ZNF543: variants seen among roughly 807,000 people sequenced by gnomAD.
ZNF543 encodes the protein zinc finger protein 543.
ZNF543 carries 10 observed loss-of-function variants against 13.4 expected under a neutral mutation model. The observed-to-expected ratio is 0.75, with a 90% CI of 0.46 to 1.26. The LOEUF is 1.26. Ranked by LOEUF, ZNF543 falls within the 50% of genes most tolerant of loss-of-function variation. ZNF543 has a pLI of 0.00. For missense variants in ZNF543, 768 were observed against 741.2 expected (o/e 1.04, Z -0.42); for synonymous variants, 272 against 264.7 (o/e 1.03, Z -0.27).
intron 1 of ZNF543, 32 bp downstream of exon 1, chr19:57,320,903 C>T (rs375224971): frequency 1.4e-5 from 22 of 1,613,802 alleles, no homozygotes; most frequent in Non-Finnish European, 1.7e-5. Context: ...CTTGCTGCTG[C>T]TCTGCTACTT....
Position 57,328,296 on chromosome 19 carries a change from T to A in ZNF543, c.834T>A (p.Ser278Arg). 1 of 1,613,152 alleles carries A rather than the reference T, an allele frequency of 6.2e-7. No individual in the cohort carries two copies. The highest frequency in any genetic ancestry group is 2.2e-5 in the East Asian group (1 of 44,794). Residue 278 changes from serine to arginine, a missense_variant, in exon 4 of 4, where the codon AGT (serine) becomes AGA (arginine). By Grantham distance (110) the Ser-to-Arg change is moderately radical. Coordinates refer to ENST00000321545, the MANE Select transcript of ZNF543 (RefSeq NM_213598.4). The stretch of plus-strand genomic sequence containing the variant: ...TCACACGGCACCAGCGGATTCACAG[T>A]GGAGAGAAGCCTTATAAGTGCAGTG... ...SHLTRHQRIHSGEKPYKCSEC... is the reference protein window; with the variant it reads ...SHLTRHQRIHRGEKPYKCSEC...
rs1223083493 is a variant in ZNF543 at position 57,328,098 on chromosome 19, C to T, written c.636C>T (p.Ala212=). ...GCGGGAAAGTGTTTAAAAAGAATGC[C>T]CTCCTTGTTCAGCATGAACGGATTC... ...EECGKVFKKN[A]LLVQHERIHT... is the part of the protein sequence containing the mutation. Residue 212 remains alanine, a synonymous_variant, in exon 4 of 4, where the codon GCC becomes GCT. Transcript: ENST00000321545. 1 of 1,614,216 alleles carries T rather than the reference C, an allele frequency of 6.2e-7. No homozygotes were observed. The highest frequency in any genetic ancestry group is 1.7e-5 in the Admixed American group (1 of 60,022).
At position 57,327,782 on chromosome 19, in the gene ZNF543, A is replaced by C. The variant is rs8100491; in HGVS notation, c.320A>C (p.Gln107Pro). 2 of 1,613,856 alleles carry C rather than the reference A, an allele frequency of 1.2e-6. No individual in the cohort carries two copies. Among genetic ancestry groups the C allele is most frequent in the South Asian group, 2.2e-5 (2 of 91,074 alleles). ...CCTGAGGAAGTCTTACTCCAGGAAC[A>C]ACTGACACAAGGAGCCTCAAAGAAC... ...ALPEEVLLQE[Q>P]LTQGASKNSQ... The change falls in exon 4 of 4, where the codon CAA (glutamine) becomes CCA (proline). Residue 107 changes from glutamine to proline, a missense_variant. By Grantham distance (76) the Gln-to-Pro change is moderately conservative. Transcript: ENST00000321545.
At position 57,320,871 on chromosome 19, in the gene ZNF543, G is replaced by A. The variant is rs764488226; in HGVS notation, c.18G>A (p.Gln6=). 9 of 1,614,098 alleles carry A rather than the reference G, an allele frequency of 5.6e-6. No homozygotes were observed. The highest frequency in any genetic ancestry group is 4.2e-6 in the Non-Finnish European group (5 of 1,179,986). The part of the protein sequence containing the change: MAASA[Q]VSVTFEDVAV... ...GTCTCAGGATGGCAGCCTCGGCGCA[G>A]GTGAGTGGACGAGGTTTTGGCCTTG... is the stretch of plus-strand genomic sequence containing the variant. Residue 6 remains glutamine, a splice_region_variant and synonymous_variant, in exon 1 of 4, where the codon CAG becomes CAA. Transcript: ENST00000321545.
At position 57,320,841 on chromosome 19, in the gene ZNF543, G is replaced by A; in HGVS notation, c.-13G>A. 1 of 1,613,816 alleles carries A rather than the reference G, an allele frequency of 6.2e-7. No homozygotes were observed. The highest frequency in any genetic ancestry group is 8.5e-7 in the Non-Finnish European group (1 of 1,179,912). On this transcript the variant is annotated 5_prime_UTR_variant, in exon 1 of 4. Transcript: ENST00000321545. ...GGCATTCCCGGGCCCCGCTAGGGCT[G>A]CAGGGTCTCAGGATGGCAGCCTCGG...
At position 57,328,223 on chromosome 19, in the gene ZNF543, C is replaced by A. The variant is rs752634318; in HGVS notation, c.761C>A (p.Pro254His). The change falls in exon 4 of 4, where the codon CCC (proline) becomes CAC (histidine). Residue 254 changes from proline (P) to histidine (H), a missense_variant. This residue lies in a region of ZNF543 where 677 missense variants were observed against 631.4 expected (regional missense o/e 1.07). Transcript: ENST00000321545. ...QHLIIHTGEK[P>H]YKCMECGKAF... ...CTCATCATCCACACTGGGGAGAAGC[C>A]CTATAAGTGCATGGAGTGTGGGAAG... 1 of 1,613,426 alleles carries A rather than the reference C, an allele frequency of 6.2e-7. No individual in the cohort carries two copies. Among genetic ancestry groups the A allele is most frequent in the South Asian group, 1.1e-5 (1 of 91,024 alleles).
rs888352815 is a variant in ZNF543 at position 57,330,575 on chromosome 19, G to A, written c.*1310G>A. 7 of 152,062 alleles carry A rather than the reference G, an allele frequency of 4.6e-5. No individual in the cohort carries two copies. Among genetic ancestry groups the A allele is most frequent in the Admixed American group, 1.3e-4 (2 of 15,274 alleles). 9.4% of individuals were successfully genotyped at this position (152,062 alleles called of 1,614,324 possible). A position where few individuals can be genotyped will look rare whatever the true frequency, so the allele number is the denominator to read the frequency against. On this transcript the variant is annotated 3_prime_UTR_variant, in exon 4 of 4. Transcript: ENST00000321545. ...TAACTGGAATTTTAACAGGCAAGCC[G>A]GCATGCATATATGTAGGGATGTGTG...
Position 57,320,805 on chromosome 19 carries a change from G to C in ZNF543, c.-49G>C, listed in dbSNP as rs200916590. ...CCAGGACAGAGAAGGGCTGGGGGTC[G>C]GCTGAGCCGCGGCATTCCCGGGCCC... On this transcript the variant is annotated 5_prime_UTR_variant, in exon 1 of 4. Transcript: ENST00000321545. The C allele has an allele frequency of 1.9e-6, 3 of 1,612,082 alleles. No homozygotes were observed. The highest frequency in any genetic ancestry group is 1.7e-5 in the Admixed American group (1 of 59,878).
Position 57,329,209 on chromosome 19 carries a change from G to A in ZNF543, c.1747G>A (p.Glu583Lys). The change falls in exon 4 of 4, where the codon GAA becomes AAA. Residue 583 changes from glutamate to lysine, a missense_variant. Coordinates refer to ENST00000321545, the MANE Select transcript of ZNF543 (RefSeq NM_213598.4). ...MTAQTSVNIQ[E>K]LLLGKEFLNI... ...TGCACAGACTTCAGTCAACATCCAG[G>A]AACTTTTATTAGGGAAAGAGTTTTT... The A allele has an allele frequency of 1.2e-6, 2 of 1,613,276 alleles. No homozygotes were observed. Among genetic ancestry groups the A allele is most frequent in the South Asian group, 1.1e-5 (1 of 90,944 alleles).
At chr19:57,323,933 C>T in intron 2 of ZNF543, 125 bp downstream of exon 2, 1 of 1,207,814 alleles carries the variant, frequency 8.3e-7, no homozygotes, top group Non-Finnish European at 1.1e-6. Flanking sequence ...ACCATTGGCT[C>T]TGAGCGTAGC....
Position 57,328,221 on chromosome 19 carries a change from G to T in ZNF543, c.759G>T (p.Lys253Asn). ...LQHLIIHTGE[K>N]PYKCMECGKA... ...ACCTCATCATCCACACTGGGGAGAA[G>T]CCCTATAAGTGCATGGAGTGTGGGA... Residue 253 changes from lysine (K) to asparagine (N), a missense_variant, in exon 4 of 4, where the codon AAG becomes AAT. Lys to Asn is a moderately conservative substitution (Grantham distance 94). Coordinates refer to ENST00000321545, the MANE Select transcript of ZNF543 (RefSeq NM_213598.4). 1 of 1,613,412 alleles carries T rather than the reference G, an allele frequency of 6.2e-7. No homozygotes were observed. Among genetic ancestry groups the T allele is most frequent in the Non-Finnish European group, 8.5e-7 (1 of 1,179,454 alleles).
chr19:57,321,024 C>T (rs990973584), intron 1 of ZNF543, among the ~76,000 whole-genome samples, 153 bp downstream of exon 1: 9 of 152,196 alleles, frequency 5.9e-5, no homozygotes, highest in Non-Finnish European at 1.2e-4. Flanking sequence ...TATCCGCAGT[C>T]CTGCAATAGT....
chr19:57,322,648 C>T (rs115797808), intron 1 of ZNF543, among the ~76,000 whole-genome samples: 2,880 of 152,204 alleles, frequency 0.019, 110 homozygotes, highest in African/African-American at 0.065. Flanking sequence ...TTCTGTCTCT[C>T]CTGATAAGAG....
At chr19:57,327,286 T>C (rs1011972884) in intron 3 of ZNF543, among the ~76,000 whole-genome samples, 2 of 151,432 alleles carry the variant, frequency 1.3e-5, no homozygotes, top group Admixed American at 6.6e-5. Flanking sequence ...CGATAGTATA[T>C]GTAGTGTTTC....
rs367565035 is a variant in ZNF543, at chr19:57,329,323, C to G, written c.*58C>G. ...TGAAGAGAAACTTCATAAGCATCCT[C>G]TCTTTGAGAAAACGTGTAATAGATG... On this transcript the variant is annotated 3_prime_UTR_variant, in exon 4 of 4. Transcript: ENST00000321545. The G allele has an allele frequency of 1.6e-5, 25 of 1,523,908 alleles. No individual in the cohort carries two copies. The highest frequency in any genetic ancestry group is 1.3e-4 in the African/African-American group (9 of 71,984). The allele number at this position is 1,523,908 out of a possible 1,614,324, so 94.4% of individuals were successfully genotyped here.
In ZNF543 at chr19:57,329,336, C is replaced by T. The variant is rs2088148132; in HGVS notation, c.*71C>T. On this transcript the variant is annotated 3_prime_UTR_variant, in exon 4 of 4. Transcript: ENST00000321545. ...CATAAGCATCCTCTCTTTGAGAAAA[C>T]GTGTAATAGATGATCATTTGTCGTC... The T allele has an allele frequency of 4.6e-6, 7 of 1,507,450 alleles. No individual in the cohort carries two copies. Among genetic ancestry groups the T allele is most frequent in the African/African-American group, 1.4e-5 (1 of 71,698 alleles). The allele number at this position is 1,507,450 out of a possible 1,614,324, so 93.4% of individuals were successfully genotyped here.
In ZNF543 at chr19:57,328,946, CGAG is replaced by C. The variant is rs766731756; in HGVS notation, c.1486_1488del (p.Arg496del). 6.2e-7 allele frequency: 1 copy of C among 1,613,958 alleles called. No individual in the cohort carries two copies. The highest frequency in any genetic ancestry group is 1.1e-5 in the South Asian group (1 of 91,074). ...GCCTTCAACCGCAGCTCACACCTCA[CGAG>C]GCACCAACAGATTCACACTGGAGAG... On this transcript the variant is annotated inframe_deletion, in exon 4 of 4. Transcript: ENST00000321545.
In ZNF543 at chr19:57,329,080, T is replaced by C; in HGVS notation, c.1618T>C (p.Cys540Arg). 3.1e-6 allele frequency: 5 copies of C among 1,614,132 alleles called. No individual in the cohort carries two copies. Among genetic ancestry groups the C allele is most frequent in the Non-Finnish European group, 4.2e-6 (5 of 1,180,028 alleles). Residue 540 changes from cysteine to arginine, a missense_variant, in exon 4 of 4, where the codon TGT (cysteine) becomes CGT (arginine). Cys to Arg is a radical substitution (Grantham distance 180). Around this residue, in one of 3 missense-constraint regions of ZNF543, gnomAD observed 677 missense variants for 631.4 expected, o/e 1.07. Coordinates refer to ENST00000321545, the MANE Select transcript of ZNF543 (RefSeq NM_213598.4). ...TGEKPYECSE[C>R]GKAFNRGSSL... ...AGAGAAGCCGTATGAATGCAGTGAG[T>C]GTGGAAAGGCTTTTAATCGCGGCTC...
Position 57,329,133 on chromosome 19 carries a change from T to G in ZNF543, c.1671T>G (p.His557Gln). 2.5e-6 allele frequency: 4 copies of G among 1,614,242 alleles called. No individual in the cohort carries two copies. The highest frequency in any genetic ancestry group is 3.4e-6 in the Non-Finnish European group (4 of 1,180,044). ...GSSLTHHQRI[H>Q]TGRNPTIVTD... is the part of the protein sequence containing the mutation. ...CCCTCACACATCATCAAAGGATTCA[T>G]ACTGGGAGAAACCCTACCATTGTAA... The change falls in exon 4 of 4, where the codon CAT (histidine) becomes CAG (glutamine). Residue 557 changes from histidine to glutamine, a missense_variant. Coordinates refer to ENST00000321545, the MANE Select transcript of ZNF543 (RefSeq NM_213598.4).
Sources: gnomAD v4.1 joint callset for allele counts (sites outside exome capture counted in the v4.1 genomes callset) on GRCh38, gnomAD v4.1.1 for gene constraint, gnomAD v4.1.1 regional missense constraint, MANE v1.5 for transcripts, NCBI Gene and HGNC (gene_info 2026-07-23, HGNC 2026-07-21) for gene names.